The following MAP4 variants were observed in gnomAD, a reference collection of about 807,000 sequenced individuals.
MAP4 encodes the protein microtubule associated protein 4.
MAP4 carries 76 observed loss-of-function variants against 170.2 expected under a neutral mutation model. That is an observed-to-expected ratio of 0.45 (90% CI 0.37 to 0.54). The LOEUF is 0.54. Among genes scored for constraint, MAP4 ranks in the 20% least tolerant of loss-of-function variants. MAP4 has a pLI of 0.00. For synonymous variants in MAP4, 909 were observed against 994.5 expected (o/e 0.91, Z 1.62); for missense variants, 2,506 against 2,748.0 (o/e 0.91, Z 1.97).
intron 1 of MAP4, among the ~76,000 whole-genome samples, chr3:48,057,670 C>T (rs1204447404): frequency 1.3e-5 from 2 of 148,164 alleles, no homozygotes; most frequent in Non-Finnish European, 3.0e-5. Context: ...AGTAAGCATG[C>T]GACTACCATA....
chr3:47,877,550 A>T, intron 10 of MAP4, 27 bp from the exon 11 acceptor site: 1 of 1,495,954 alleles, frequency 6.7e-7, no homozygotes, highest in Non-Finnish European at 9.2e-7. Context: ...AGTGGGAATT[A>T]TGCTAAGCAA....
chr3:48,071,305 G>A (rs2100140901), intron 1 of MAP4, among the ~76,000 whole-genome samples: 1 of 151,894 alleles, frequency 6.6e-6, no homozygotes, highest in Non-Finnish European at 1.5e-5. Context: ...ACTCTGGGAG[G>A]CCAAGATGGG....
At chr3:47,893,719 A>G (rs1339969338) in intron 10 of MAP4, among the ~76,000 whole-genome samples, 2 of 152,046 alleles carry the variant, frequency 1.3e-5, no homozygotes, top group Non-Finnish European at 2.9e-5. Context: ...CAGAAATCCA[A>G]GAGAAGTCTT....
chr3:48,029,716 T>G (rs962630839), intron 1 of MAP4, among the ~76,000 whole-genome samples: 4 of 152,014 alleles, frequency 2.6e-5, no homozygotes. Flanking sequence ...TAAAAAGAGG[T>G]AGGTCGGGCA....
chr3:48,063,680 C>G (rs1465070814), intron 1 of MAP4, among the ~76,000 whole-genome samples: 1 of 151,732 alleles, frequency 6.6e-6, no homozygotes, highest in African/African-American at 2.4e-5. Context: ...AGAAATGAGC[C>G]ATCAAGCCAC....
chr3:47,853,817 T>C (rs1199471575), intron 19 of MAP4, among the ~76,000 whole-genome samples: 1 of 151,512 alleles, frequency 6.6e-6, no homozygotes, highest in Non-Finnish European at 1.5e-5. Context: ...CACATCTGTC[T>C]GGTCAGGAAC....
intron 1 of MAP4, among the ~76,000 whole-genome samples, chr3:48,073,519 G>A (rs775629189): frequency 6.6e-6 from 1 of 151,722 alleles, no homozygotes; most frequent in African/African-American, 2.4e-5. Context: ...GCTGAGGCAG[G>A]AGAATCGCTT....
chr3:47,864,715 A>T (rs1162520043), intron 17 of MAP4, among the ~76,000 whole-genome samples: 2 of 152,014 alleles, frequency 1.3e-5, no homozygotes, highest in African/African-American at 4.8e-5. Flanking sequence ...TAAAATACAA[A>T]AATTAGCTAG....
intron 12 of MAP4, among the ~76,000 whole-genome samples, chr3:47,874,044 ATG>A (rs1328219106): frequency 6.6e-6 from 1 of 152,232 alleles, no homozygotes; most frequent in Non-Finnish European, 1.5e-5. Flanking sequence ...TAAGCTGCAG[ATG>A]AAGAGGCCAC....
At chr3:47,912,975 A>G (rs1390504865) in intron 8 of MAP4, among the ~76,000 whole-genome samples, 1 of 152,180 alleles carries the variant, frequency 6.6e-6, no homozygotes, top group Non-Finnish European at 1.5e-5. Flanking sequence ...ACGCACACAC[A>G]CAAAATATAC....
Position 47,909,933 on chromosome 3 carries a change from G to GGTCCGA in MAP4, c.4487_4488insTCGGAC (p.Pro1496_Ser1497insArgThr). The GGTCCGA allele has an allele frequency of 6.2e-7, 1 of 1,614,008 alleles. No individual in the cohort carries two copies. Among genetic ancestry groups the GGTCCGA allele is most frequent in the Non-Finnish European group, 8.5e-7 (1 of 1,179,862 alleles). On this transcript the variant is annotated inframe_insertion, in exon 9 of 21. Transcript: ENST00000683076. ...TGCTTGTAGAGGGCACAACAGCAGAGGGACCCTTGGGTCTTTCTTGACCTG... is the reference window on the plus strand; with the variant it reads ...TGCTTGTAGAGGGCACAACAGCAGAGGTCCGAGGACCCTTGGGTCTTTCTTGACCTG...
rs150333779 is a variant in MAP4, at chr3:47,909,589, T to G, written c.4832A>C (p.Lys1611Thr). 5.6e-6 allele frequency: 9 copies of G among 1,613,136 alleles called. No homozygotes were observed. In the African/African-American group the frequency reaches 1.2e-4, roughly 21 times the overall value. Reference sequence around the variant, plus strand: ...TGCAACAGACCCTTCTTTAGTCTCTTTCTCTTCATTCACTGGATGTGCTGG... The same window carrying G: ...TGCAACAGACCCTTCTTTAGTCTCTGTCTCTTCATTCACTGGATGTGCTGG... ...NFPAHPVNEEKETKEGSVAVQ... is the reference protein window; with the variant it reads ...NFPAHPVNEETETKEGSVAVQ... The change falls in exon 9 of 21, where the codon AAA (lysine) becomes ACA (threonine). Residue 1611 changes from lysine (K) to threonine (T), a missense_variant. Lys to Thr is a moderately conservative substitution (Grantham distance 78). Around this residue, in one of 3 missense-constraint regions of MAP4, gnomAD observed 2,008 missense variants for 2,206.0 expected, o/e 0.91. Coordinates refer to ENST00000683076, the MANE Select transcript of MAP4 (RefSeq NM_001385682.1).
At chr3:48,039,303 A>G (rs1217113058) in intron 1 of MAP4, 4 of 152,662 alleles carry the variant, frequency 2.6e-5, no homozygotes. Context: ...TCCAGAAAAA[A>G]AGAGCAAGCA....
intron 17 of MAP4, among the ~76,000 whole-genome samples, chr3:47,865,748 C>A (rs2078341034): frequency 6.6e-6 from 1 of 152,210 alleles, no homozygotes; most frequent in African/African-American, 2.4e-5. Context: ...GGCTGTCTCA[C>A]TTGGCCTGGA....
chr3:47,906,224 C>A (rs1042536274), intron 9 of MAP4, among the ~76,000 whole-genome samples: 4 of 151,964 alleles, frequency 2.6e-5, no homozygotes, highest in African/African-American at 9.7e-5. Context: ...GAACACCCAT[C>A]AAAATTATGA....
At chr3:47,913,131 A>T (rs2100036812) in intron 8 of MAP4, among the ~76,000 whole-genome samples, 1 of 152,196 alleles carries the variant, frequency 6.6e-6, no homozygotes, top group Admixed American at 6.5e-5. Flanking sequence ...GTTAAGTAGG[A>T]TAATTAATTT....
chr3:48,043,654 C>T (rs1447372154), intron 1 of MAP4, among the ~76,000 whole-genome samples: 1 of 152,124 alleles, frequency 6.6e-6, no homozygotes, highest in East Asian at 1.9e-4. Flanking sequence ...GATGCATATA[C>T]AAACTCTGCA....
intron 10 of MAP4, among the ~76,000 whole-genome samples, chr3:47,880,516 A>G (rs1313366372): frequency 7.3e-6 from 1 of 137,712 alleles, no homozygotes; most frequent in Non-Finnish European, 1.5e-5. Context: ...CCTAGGCTGC[A>G]GTACAGTGGC....
At chr3:48,061,250 C>T (rs1041515246) in intron 1 of MAP4, among the ~76,000 whole-genome samples, 2 of 150,196 alleles carry the variant, frequency 1.3e-5, no homozygotes, top group Admixed American at 6.6e-5. Context: ...CGAGCCGAAG[C>T]TGGACTGTAC....
Sources: gnomAD v4.1 joint callset for allele counts (sites outside exome capture counted in the v4.1 genomes callset) on GRCh38, gnomAD v4.1.1 for gene constraint, gnomAD v4.1.1 regional missense constraint, MANE v1.5 for transcripts, NCBI Gene and HGNC (gene_info 2026-07-23, HGNC 2026-07-21) for gene names.